Variants in RGS6 observed in about 807,000 individuals in gnomAD.
The protein encoded by RGS6 is regulator of G-protein signaling 6.
RGS6 carries 30 observed loss-of-function variants against 78.5 expected under a neutral mutation model. That is an observed-to-expected ratio of 0.38 (90% CI 0.29 to 0.52). The LOEUF (loss-of-function observed/expected upper bound fraction) is 0.52, where lower values mean the gene tolerates loss of function less well. RGS6 is among the 20% of genes least tolerant of loss of function. RGS6 has a pLI of 0.85. For missense variants in RGS6, 495 were observed against 609.7 expected, an observed-to-expected ratio of 0.81 and a Z score of 1.98; for synonymous variants, 206 against 206.0, an observed-to-expected ratio of 1.00 and a Z score of 0.00.
At chr14:72,539,884 A>G (rs1192450499) in intron 16 of RGS6, among the ~76,000 whole-genome samples, 157 bp from the exon 17 acceptor site, 1 of 152,080 alleles carries the variant, frequency 6.6e-6, no homozygotes, top group Non-Finnish European at 1.5e-5. Flanking sequence ...GACTCTTCCA[A>G]CAGCTCTGGC....
chr14:72,033,022 A>T (rs2091148824), intron 2 of RGS6, among the ~76,000 whole-genome samples: 1 of 152,182 alleles, frequency 6.6e-6, no homozygotes, highest in Non-Finnish European at 1.5e-5. Flanking sequence ...TGAAACTATC[A>T]TAAGGTGAAA....
At chr14:72,168,252 G>T (rs2153676369) in intron 2 of RGS6, among the ~76,000 whole-genome samples, 1 of 152,156 alleles carries the variant, frequency 6.6e-6, no homozygotes, top group East Asian at 1.9e-4. Context: ...ACATGTCGAG[G>T]ATCCACGTAA....
At chr14:72,047,145 G>A (rs1427709070) in intron 2 of RGS6, among the ~76,000 whole-genome samples, 1 of 152,186 alleles carries the variant, frequency 6.6e-6, no homozygotes, top group Non-Finnish European at 1.5e-5. Context: ...TGAGCACGGT[G>A]ACAGCTCCAG....
chr14:72,282,802 T>C (rs2061804463), intron 2 of RGS6, among the ~76,000 whole-genome samples: 1 of 152,220 alleles, frequency 6.6e-6, no homozygotes, highest in South Asian at 2.1e-4. Context: ...ATATCCACCT[T>C]CTTAACAAAT....
intron 2 of RGS6, among the ~76,000 whole-genome samples, chr14:72,196,527 A>G (rs1011828421): frequency 6.6e-6 from 1 of 152,078 alleles, no homozygotes; most frequent in African/African-American, 2.4e-5. Context: ...TGGGAACCCA[A>G]CTCTGAAGGG....
At chr14:72,121,335 T>G (rs1310579479) in intron 2 of RGS6, among the ~76,000 whole-genome samples, 1 of 152,186 alleles carries the variant, frequency 6.6e-6, no homozygotes, top group Non-Finnish European at 1.5e-5. Context: ...TTCCATAGCC[T>G]TGAGGGTCTT....
chr14:72,127,801 T>C (rs2096235394), intron 2 of RGS6, among the ~76,000 whole-genome samples: 1 of 152,148 alleles, frequency 6.6e-6, no homozygotes, highest in Non-Finnish European at 1.5e-5. Context: ...ACAAAGATCC[T>C]CTGTTACCCC....
At chr14:72,171,099 CT>C (rs1215749128) in intron 2 of RGS6, among the ~76,000 whole-genome samples, 1 of 152,086 alleles carries the variant, frequency 6.6e-6, no homozygotes, top group Non-Finnish European at 1.5e-5. Flanking sequence ...AAGCCTTACC[CT>C]TTTCTTTAAT....
intron 2 of RGS6, among the ~76,000 whole-genome samples, chr14:72,213,671 C>A (rs550109171): frequency 6.6e-6 from 1 of 152,240 alleles, no homozygotes; most frequent in South Asian, 2.1e-4. Flanking sequence ...GTCACATCAT[C>A]CCACGTGTGC....
At chr14:72,408,978 G>C (rs6574074) in intron 3 of RGS6, among the ~76,000 whole-genome samples, 71,907 of 151,944 alleles carry the variant, frequency 0.47, 17,680 homozygotes, top group East Asian at 0.61. Context: ...GTGTAAAATA[G>C]AAAATGACTC....
chr14:71,877,261 T>G, the RGS6 span, among the ~76,000 whole-genome samples: 5 of 152,210 alleles, frequency 3.3e-5, no homozygotes, highest in South Asian at 2.1e-4. Context: ...ATAATATCCT[T>G]AAGAGTGTTT....
At chr14:71,880,954 G>A in the RGS6 span, among the ~76,000 whole-genome samples, 2 of 152,238 alleles carry the variant, frequency 1.3e-5, no homozygotes, top group Admixed American at 6.5e-5. Context: ...GCAGCCGGGA[G>A]GGAGGGTGTA....
At chr14:72,249,208 T>C (rs1400896069) in intron 2 of RGS6, among the ~76,000 whole-genome samples, 1 of 152,106 alleles carries the variant, frequency 6.6e-6, no homozygotes, top group Admixed American at 6.6e-5. Flanking sequence ...ATACCATCCT[T>C]TGCTAAGACA....
intron 3 of RGS6, among the ~76,000 whole-genome samples, chr14:72,449,556 G>A (rs1403544187): frequency 6.6e-6 from 1 of 152,180 alleles, no homozygotes; most frequent in Non-Finnish European, 1.5e-5. Flanking sequence ...GTGTCTGCCT[G>A]AAACCAGAAA....
At chr14:72,481,300 T>C (rs2096372511) in intron 12 of RGS6, among the ~76,000 whole-genome samples, 1 of 152,192 alleles carries the variant, frequency 6.6e-6, no homozygotes, top group Non-Finnish European at 1.5e-5. Context: ...ACTTGTGCTT[T>C]GGAAGAGAGC....
chr14:72,175,280 T>C (rs943316041), intron 2 of RGS6, among the ~76,000 whole-genome samples: 1 of 152,176 alleles, frequency 6.6e-6, no homozygotes, highest in Non-Finnish European at 1.5e-5. Flanking sequence ...TATTCTAGCA[T>C]AAGAGAGGGG....
intron 6 of RGS6, among the ~76,000 whole-genome samples, 191 bp downstream of exon 6, chr14:72,459,874 T>C (rs1284428167): frequency 6.6e-6 from 1 of 152,170 alleles, no homozygotes; most frequent in Admixed American, 6.5e-5. Flanking sequence ...CCCAGCTTAC[T>C]GAAAGATGTA....
chr14:71,968,514 C>T (rs570643691), intron 2 of RGS6, among the ~76,000 whole-genome samples: 9 of 152,242 alleles, frequency 5.9e-5, no homozygotes, highest in African/African-American at 2.2e-4. Flanking sequence ...AGTAGCTTTT[C>T]CTTAGATATT....
chr14:72,083,355 A>G (rs2094901051), intron 2 of RGS6, among the ~76,000 whole-genome samples: 1 of 152,200 alleles, frequency 6.6e-6, no homozygotes, highest in Non-Finnish European at 1.5e-5. Context: ...TCTAGTGGGT[A>G]GAGGCCACAG....
Sources: gnomAD v4.1 joint callset for allele counts (sites outside exome capture counted in the v4.1 genomes callset) on GRCh38, gnomAD v4.1.1 for gene constraint, MANE v1.5 for transcripts, NCBI Gene and HGNC (gene_info 2026-07-23, HGNC 2026-07-21) for gene names.